The following OXR1 variants were observed in gnomAD, a reference collection of about 807,000 sequenced individuals.
The protein encoded by OXR1 is oxidation resistance protein 1.
In OXR1, 41 loss-of-function variants were observed where a neutral mutation model predicts 104.6. The observed-to-expected ratio is 0.39, with a 90% confidence interval of 0.31 to 0.51. The LOEUF is 0.51. Among genes scored for constraint, OXR1 ranks in the 20% least tolerant of loss-of-function variants. The pLI, the probability that OXR1 is intolerant of heterozygous loss-of-function variation, is 0.77. For missense variants in OXR1, 955 were observed against 1,031.9 expected, an observed-to-expected ratio of 0.93 and a Z score of 1.02; for synonymous variants, 348 against 348.4, an observed-to-expected ratio of 1.00 and a Z score of 0.01.
chr8:106,719,988 A>G (rs907531491), intron 11 of OXR1, among the ~76,000 whole-genome samples: 1 of 151,992 alleles, frequency 6.6e-6, no homozygotes, highest in Admixed American at 6.5e-5. Flanking sequence ...TTGTATTTTT[A>G]GTAGAGACGG....
intron 3 of OXR1, among the ~76,000 whole-genome samples, chr8:106,549,901 T>C (rs1815672167): frequency 6.6e-6 from 1 of 152,188 alleles, no homozygotes; most frequent in Non-Finnish European, 1.5e-5. Context: ...TCCTATTTTA[T>C]CTCCTGCTTT....
intron 3 of OXR1, among the ~76,000 whole-genome samples, chr8:106,627,997 TGCCTTTCCA>T (rs1822318035): frequency 6.6e-6 from 1 of 152,194 alleles, no homozygotes; most frequent in African/African-American, 2.4e-5. Flanking sequence ...GGTTTCTCCC[TGCCTTTCCA>T]ATCCATTATC....
chr8:106,357,233 T>C (rs1042778099), intron 1 of OXR1, among the ~76,000 whole-genome samples: 5 of 152,112 alleles, frequency 3.3e-5, no homozygotes, highest in Non-Finnish European at 7.4e-5. Flanking sequence ...TATATGCTTT[T>C]TTTTTTGGTA....
rs566485986 is a variant in OXR1 at position 106,303,970 on chromosome 8, T to G, written c.-139+33603T>G. 2.2e-3 allele frequency among the ~76,000 whole-genome samples: 332 copies of G among 152,346 alleles called. 2 individuals are homozygous for G. The highest frequency in any genetic ancestry group is 4.2e-3 in the Non-Finnish European group (285 of 68,016). Reference sequence around the variant, plus strand: ...AAATAGTAAAAAACACTAAAATGCCTTATGTATTTCATTAAATAACATTGC... The same window carrying G: ...AAATAGTAAAAAACACTAAAATGCCGTATGTATTTCATTAAATAACATTGC... On this transcript the variant is annotated intron_variant, in intron 1 of 16. Transcript: ENST00000517566.
At chr8:106,601,425 G>C (rs1226762426) in intron 3 of OXR1, among the ~76,000 whole-genome samples, 1 of 152,196 alleles carries the variant, frequency 6.6e-6, no homozygotes, top group Non-Finnish European at 1.5e-5. Context: ...GTCTGGTGAA[G>C]CACTCCAGCT....
intron 3 of OXR1, among the ~76,000 whole-genome samples, chr8:106,529,575 G>T (rs1029086881): frequency 6.6e-6 from 1 of 152,050 alleles, no homozygotes. Flanking sequence ...AAATAAGCTT[G>T]CCAACTCTAG....
chr8:106,633,690 A>G (rs987115513), intron 3 of OXR1, among the ~76,000 whole-genome samples: 1 of 152,234 alleles, frequency 6.6e-6, no homozygotes, highest in Admixed American at 6.5e-5. Flanking sequence ...AAGGAAAGGA[A>G]TAATTTCCTC....
chr8:106,538,160 G>GA (rs1445035196), intron 3 of OXR1, among the ~76,000 whole-genome samples: 2 of 152,114 alleles, frequency 1.3e-5, no homozygotes, highest in Admixed American at 6.6e-5. Context: ...ATTCTCCTGG[G>GA]ATTCTAAATC....
At chr8:106,487,336 TTTC>T (rs1227865197) in intron 2 of OXR1, among the ~76,000 whole-genome samples, 60 of 79,200 alleles carry the variant, frequency 7.6e-4, no homozygotes, top group African/African-American at 2.8e-3. Flanking sequence ...AAACCAGGTA[TTTC>T]TTTTTTTTTT....
chr8:106,733,949 A>AT (rs1272557496), intron 11 of OXR1, among the ~76,000 whole-genome samples: 2 of 148,952 alleles, frequency 1.3e-5, no homozygotes, highest in Non-Finnish European at 3.0e-5. Context: ...TTAAATGCAG[A>AT]TTTTTTCAAA....
intron 3 of OXR1, among the ~76,000 whole-genome samples, chr8:106,578,293 A>T (rs539026047): frequency 6.6e-6 from 1 of 152,060 alleles, no homozygotes; most frequent in Non-Finnish European, 1.5e-5. Flanking sequence ...TTTCTTTGTG[A>T]TAACTTAGTG....
At chr8:106,553,002 A>G (rs1220245218) in intron 3 of OXR1, among the ~76,000 whole-genome samples, 1 of 152,078 alleles carries the variant, frequency 6.6e-6, no homozygotes, top group Non-Finnish European at 1.5e-5. Flanking sequence ...CACTGATCAG[A>G]GTGCTGGGTG....
intron 2 of OXR1, among the ~76,000 whole-genome samples, chr8:106,421,372 C>T (rs1173943187): frequency 6.6e-6 from 1 of 152,116 alleles, no homozygotes; most frequent in Non-Finnish European, 1.5e-5. Flanking sequence ...TCAAACTGCC[C>T]TAGAACTTAA....
At chr8:106,745,644 G>C in intron 15 of OXR1, 145 bp from the exon 16 acceptor site, 1 of 451,632 alleles carries the variant, frequency 2.2e-6, no homozygotes, top group Non-Finnish European at 3.9e-6. Flanking sequence ...CAAACCACCA[G>C]AGCCTTCTGT....
intron 3 of OXR1, among the ~76,000 whole-genome samples, chr8:106,608,471 C>A (rs1394092060): frequency 6.6e-6 from 1 of 152,060 alleles, no homozygotes; most frequent in Non-Finnish European, 1.5e-5. Context: ...GCTATGTGTA[C>A]TATTTTTTAT....
At chr8:106,604,922 G>T (rs1820253711) in intron 3 of OXR1, 1 of 152,192 alleles carries the variant, frequency 6.6e-6, no homozygotes, top group Non-Finnish European at 1.5e-5. Context: ...ATATGCCTGT[G>T]ATTCACACAT....
At chr8:106,733,600 A>G (rs545209671) in intron 11 of OXR1, among the ~76,000 whole-genome samples, 13 of 152,174 alleles carry the variant, frequency 8.5e-5, no homozygotes, top group African/African-American at 2.4e-4. Flanking sequence ...TTTGTAATAC[A>G]CATTTTTTTT....
Position 106,478,512 on chromosome 8 carries a change from TAAGG to T in OXR1, c.24-40427_24-40424del, listed in dbSNP as rs1359409962. On this transcript the variant is annotated intron_variant, in intron 2 of 16. Transcript: ENST00000517566. ...AATTCTTTTGTGTCAGAATAGTAAG[TAAGG>T]AAGTTCTTGGCAAAGAGAGTAACTA... Among the ~76,000 whole-genome samples the T allele has an allele frequency of 3.9e-5, 6 of 151,964 alleles. No homozygotes were observed. In the South Asian group the frequency reaches 8.3e-4, roughly 21 times the overall value.
chr8:106,587,953 C>G (rs1028768628), intron 3 of OXR1, among the ~76,000 whole-genome samples: 1 of 146,596 alleles, frequency 6.8e-6, no homozygotes, highest in African/African-American at 2.5e-5. Context: ...TAAATATAAA[C>G]AATTTTTTTT....
Sources: gnomAD v4.1 joint callset for allele counts (sites outside exome capture counted in the v4.1 genomes callset) on GRCh38, gnomAD v4.1.1 for gene constraint, MANE v1.5 for transcripts, NCBI Gene and HGNC (gene_info 2026-07-23, HGNC 2026-07-21) for gene names.